TAF4B: variants seen among roughly 807,000 people sequenced by gnomAD.
TAF4B encodes transcription initiation factor TFIID subunit 4B.
In TAF4B, 38 loss-of-function variants were observed where a neutral mutation model predicts 86.4. The ratio of observed to expected loss-of-function variants is 0.44; its 90% CI spans 0.34 to 0.58. The LOEUF (loss-of-function observed/expected upper bound fraction) is 0.58, where lower values mean the gene tolerates loss of function less well. TAF4B is among the 20% of genes least tolerant of loss of function. The probability of loss-of-function intolerance (pLI) is 0.02; values close to 1 mark genes in which losing one functional copy is unlikely to be tolerated. For missense variants in TAF4B, 988 were observed against 1,027.6 expected, an observed-to-expected ratio of 0.96 and a Z score of 0.53; for synonymous variants, 388 against 391.2, an observed-to-expected ratio of 0.99 and a Z score of 0.10.
intron 13 of TAF4B, among the ~76,000 whole-genome samples, chr18:26,346,885 A>ATATATATATGTGTG (rs2057200338): frequency 4.8e-4 from 6 of 12,592 alleles, no homozygotes; most frequent in South Asian, 6.0e-3. Context: ...GTGTATATAT[A>ATATATATATGTGTG]TATATATATA....
chr18:26,386,322 T>TC (rs1185130494), intron 14 of TAF4B, among the ~76,000 whole-genome samples: 5 of 152,006 alleles, frequency 3.3e-5, no homozygotes, highest in African/African-American at 1.2e-4. Flanking sequence ...ATTTTTTTTT[T>TC]CTGTTTGACA....
intron 14 of TAF4B, among the ~76,000 whole-genome samples, chr18:26,388,752 C>T (rs1013999268): frequency 1.8e-4 from 27 of 152,124 alleles, no homozygotes; most frequent in African/African-American, 5.6e-4. Flanking sequence ...TGGGTTTATA[C>T]GTGATATGGT....
At chr18:26,355,897 C>T (rs1244551767) in intron 13 of TAF4B, among the ~76,000 whole-genome samples, 1 of 152,132 alleles carries the variant, frequency 6.6e-6, no homozygotes, top group African/African-American at 2.4e-5. Context: ...TATTTTATAA[C>T]TTCTGAAAAC....
rs567418055 is a variant in TAF4B at position 26,295,902 on chromosome 18, C to T, written c.1832+2371C>T. On this transcript the variant is annotated intron_variant, in intron 9 of 14. Coordinates refer to ENST00000269142, the MANE Select transcript of TAF4B (RefSeq NM_005640.3). ...GTGGTTCCTCAATTCCTATTTGGCC[C>T]TTTCAGTATGTAGATTCTGGTCTTT... Among the ~76,000 whole-genome samples, 5 of 152,082 alleles carry T rather than the reference C, an allele frequency of 3.3e-5. No individual in the cohort carries two copies. The South Asian group carries it at 8.3e-4, about 25-fold the overall frequency.
intron 13 of TAF4B, among the ~76,000 whole-genome samples, chr18:26,338,470 ATTTTT>A (rs764826705): frequency 9.8e-5 from 7 of 71,188 alleles, no homozygotes; most frequent in Admixed American, 9.3e-4. Context: ...AAGAACTAGA[ATTTTT>A]TTTTTTTTTT....
chr18:26,270,944 T>C (rs988349813), intron 3 of TAF4B, among the ~76,000 whole-genome samples: 2 of 152,248 alleles, frequency 1.3e-5, no homozygotes, highest in African/African-American at 4.8e-5. Flanking sequence ...CTCATGTTAA[T>C]CTGTCATTGA....
At chr18:26,376,700 C>T (rs1416797067) in intron 14 of TAF4B, among the ~76,000 whole-genome samples, 4 of 152,062 alleles carry the variant, frequency 2.6e-5, no homozygotes, top group Non-Finnish European at 4.4e-5. Context: ...CTGGCTAGAA[C>T]CTCCAGTACT....
At chr18:26,262,440 A>G (rs2056182764) in intron 1 of TAF4B, among the ~76,000 whole-genome samples, 1 of 150,706 alleles carries the variant, frequency 6.6e-6, no homozygotes, top group Non-Finnish European at 1.5e-5. Flanking sequence ...CAATAACTGT[A>G]GTCATTTTCT....
chr18:26,377,961 A>G (rs1372183692), intron 14 of TAF4B, among the ~76,000 whole-genome samples: 1 of 152,208 alleles, frequency 6.6e-6, no homozygotes, highest in Non-Finnish European at 1.5e-5. Flanking sequence ...TGTTAGTTAA[A>G]TTATTAGCTT....
intron 14 of TAF4B, among the ~76,000 whole-genome samples, chr18:26,382,196 A>G (rs1312993944): frequency 6.6e-6 from 1 of 152,252 alleles, no homozygotes; most frequent in African/African-American, 2.4e-5. Flanking sequence ...AGTCCTTTGA[A>G]TAAATTTTAA....
chr18:26,354,910 C>G (rs1215362800), intron 13 of TAF4B, among the ~76,000 whole-genome samples: 1 of 152,082 alleles, frequency 6.6e-6, no homozygotes, highest in Non-Finnish European at 1.5e-5. Context: ...TCCATATAAA[C>G]TTTAGAATCA....
intron 14 of TAF4B, among the ~76,000 whole-genome samples, chr18:26,377,334 C>T (rs912673284): frequency 4.6e-5 from 7 of 152,136 alleles, no homozygotes; most frequent in Non-Finnish European, 7.4e-5. Flanking sequence ...TTATTGATTA[C>T]GATTCAATCT....
intron 5 of TAF4B, among the ~76,000 whole-genome samples, chr18:26,279,078 G>A (rs920155455): frequency 6.6e-6 from 1 of 151,952 alleles, no homozygotes; most frequent in Non-Finnish European, 1.5e-5. Context: ...AAAAAAAGGA[G>A]TAAAACTCTG....
At position 26,375,054 on chromosome 18, in the gene TAF4B, A is replaced by C. The variant is rs567013480; in HGVS notation, c.2422-14791A>C. Among the ~76,000 whole-genome samples, 29 of 152,310 alleles carry C rather than the reference A, an allele frequency of 1.9e-4. No homozygotes were observed. In the East Asian group the frequency reaches 5.6e-3, roughly 29 times the overall value. The stretch of plus-strand genomic sequence containing the variant: ...CATTTTCATTACCCTACAAAGAAAT[A>C]GCTTGTTTATTTGGCCATTAGCAGT... On this transcript the variant is annotated intron_variant, in intron 14 of 14. Transcript: ENST00000269142.
At chr18:26,297,625 A>G (rs961551868) in intron 9 of TAF4B, among the ~76,000 whole-genome samples, 17 of 152,118 alleles carry the variant, frequency 1.1e-4, no homozygotes, top group African/African-American at 3.9e-4. Flanking sequence ...TGGTAGCATA[A>G]TGTGTTTTAT....
Position 26,227,006 on chromosome 18 carries a change from A to G in TAF4B, c.73A>G (p.Met25Val), listed in dbSNP as rs767259535. ...TGTGAGCGCCTCGGGGACCGTGACC[A>G]TGGCCCCGGCCGGGGCGCTGCCGGT... ...AAVSASGTVT[M>V]APAGALPVRV... The change falls in exon 1 of 15, where the codon ATG becomes GTG. Residue 25 changes from methionine (M) to valine (V), a missense_variant. Around this residue, in one of 3 missense-constraint regions of TAF4B, gnomAD observed 747 missense variants for 737.9 expected, o/e 1.01. Transcript: ENST00000269142. 4 of 1,455,094 alleles carry G rather than the reference A, an allele frequency of 2.7e-6. No homozygotes were observed. The highest frequency in any genetic ancestry group is 3.6e-6 in the Non-Finnish European group (4 of 1,117,878). 90.1% of individuals were successfully genotyped at this position (1,455,094 alleles called of 1,614,324 possible).
At chr18:26,386,339 C>T (rs920373297) in intron 14 of TAF4B, among the ~76,000 whole-genome samples, 1 of 151,724 alleles carries the variant, frequency 6.6e-6, no homozygotes, top group African/African-American at 2.4e-5. Flanking sequence ...GACAATTTTG[C>T]CTTATTGTCT....
At chr18:26,317,159 A>G (rs978630601) in intron 10 of TAF4B, among the ~76,000 whole-genome samples, 6 of 151,462 alleles carry the variant, frequency 4.0e-5, no homozygotes, top group African/African-American at 1.5e-4. Context: ...CCTCCCGAGT[A>G]GCTGGGATTA....
intron 13 of TAF4B, among the ~76,000 whole-genome samples, chr18:26,344,247 A>G (rs958930708): frequency 4.6e-5 from 7 of 152,192 alleles, no homozygotes; most frequent in African/African-American, 1.7e-4. Context: ...TGAAAACTAT[A>G]TAGATGTAGA....
Sources: gnomAD v4.1 joint callset for allele counts (sites outside exome capture counted in the v4.1 genomes callset) on GRCh38, gnomAD v4.1.1 for gene constraint, gnomAD v4.1.1 regional missense constraint, MANE v1.5 for transcripts, NCBI Gene and HGNC (gene_info 2026-07-23, HGNC 2026-07-21) for gene names.